Variants in NCOA3 observed in about 807,000 individuals in gnomAD.
NCOA3 encodes the protein CBP-interacting protein.
Under a neutral mutation model 158.8 loss-of-function variants are expected in NCOA3, and 51 were observed. The ratio of observed to expected loss-of-function variants is 0.32; its 90% CI spans 0.26 to 0.41. The LOEUF (loss-of-function observed/expected upper bound fraction) is 0.41. Ranked by LOEUF, NCOA3 falls within the 10% of genes least tolerant of loss-of-function variation. NCOA3 has a pLI of 1.00. For synonymous variants in NCOA3, 537 were observed against 592.4 expected (o/e 0.91, Z 1.36); for missense variants, 1,510 against 1,746.6 (o/e 0.86, Z 2.41).
At chr20:47,597,155 T>A (rs932154616) in intron 2 of NCOA3, among the ~76,000 whole-genome samples, 3 of 152,178 alleles carry the variant, frequency 2.0e-5, no homozygotes, top group African/African-American at 7.2e-5. Flanking sequence ...TCCCTAAAGT[T>A]CTTTGTGCCT....
At chr20:47,621,877 A>G (rs1471331840) in intron 2 of NCOA3, among the ~76,000 whole-genome samples, 1 of 151,930 alleles carries the variant, frequency 6.6e-6, no homozygotes, top group African/African-American at 2.4e-5. Context: ...GGATTTCACC[A>G]TGTTGGTCAG....
At chr20:47,652,329 A>G in intron 20 of NCOA3, 77 bp from the exon 21 acceptor site, 1 of 1,387,156 alleles carries the variant, frequency 7.2e-7, no homozygotes, top group Non-Finnish European at 9.9e-7. Flanking sequence ...AAAAAAAAAC[A>G]AAATTACTAC....
intron 19 of NCOA3, among the ~76,000 whole-genome samples, chr20:47,649,681 A>G (rs1025702442): frequency 1.3e-5 from 2 of 152,152 alleles, no homozygotes; most frequent in Admixed American, 6.5e-5. Context: ...AATATCGTTT[A>G]TAATTGTTTT....
At chr20:47,624,275 T>C (rs184444607) in intron 4 of NCOA3, among the ~76,000 whole-genome samples, 192 bp downstream of exon 4, 2 of 152,338 alleles carry the variant, frequency 1.3e-5, no homozygotes, top group East Asian at 3.9e-4. Flanking sequence ...ATGAAATAAT[T>C]ATACAACTCA....
At chr20:47,642,463 A>G in intron 17 of NCOA3, 79 bp downstream of exon 17, 1 of 979,168 alleles carries the variant, frequency 1.0e-6, no homozygotes, top group Non-Finnish European at 1.4e-6. Context: ...GCCACATACA[A>G]GAATGCCTGT....
At chr20:47,581,486 G>C (rs978498550) in intron 1 of NCOA3, among the ~76,000 whole-genome samples, 9 of 152,040 alleles carry the variant, frequency 5.9e-5, no homozygotes, top group African/African-American at 9.7e-5. Flanking sequence ...CCTATATACT[G>C]TCTGCAGACT....
chr20:47,654,088 C>G lies in NCOA3; in HGVS notation c.*671C>G, dbSNP rs972404146. ...AGGAAATGAGATGACAGTATTTAAT[C>G]GCAGCAGTAGCAAACTTTTCACATG... is the stretch of plus-strand genomic sequence containing the variant. On this transcript the variant is annotated 3_prime_UTR_variant, in exon 23 of 23. Transcript: ENST00000371998. 6.6e-6 allele frequency: 1 copy of G among 152,596 alleles called. No individual in the cohort carries two copies. The highest frequency in any genetic ancestry group is 1.5e-5 in the Non-Finnish European group (1 of 68,044). The allele number at this position is 152,596 out of a possible 1,614,324, so 9.5% of individuals were successfully genotyped here.
At chr20:47,623,461 A>G (rs1023808102) in intron 3 of NCOA3, among the ~76,000 whole-genome samples, 3 of 152,186 alleles carry the variant, frequency 2.0e-5, no homozygotes, top group Admixed American at 6.5e-5. Context: ...CATTTTTGAT[A>G]GTTTATATTG....
At chr20:47,633,015 CCTT>C (rs2086447976) in intron 8 of NCOA3, among the ~76,000 whole-genome samples, 1 of 152,100 alleles carries the variant, frequency 6.6e-6, no homozygotes, top group Admixed American at 6.5e-5. Context: ...ACCAGGCTCT[CCTT>C]CCTCCCTCAT....
intron 1 of NCOA3, among the ~76,000 whole-genome samples, chr20:47,541,612 GCCTCAAGTTACCCTCCTGC>G (rs954250693): frequency 1.5e-4 from 22 of 149,854 alleles, no homozygotes; most frequent in Admixed American, 1.1e-3. Context: ...CGAACTCCTG[GCCTCAAGTTACCCTCCTGC>G]CCTCAAGTTA....
intron 1 of NCOA3, among the ~76,000 whole-genome samples, chr20:47,565,019 T>C (rs2085169801): frequency 6.6e-6 from 1 of 152,206 alleles, no homozygotes; most frequent in African/African-American, 2.4e-5. Context: ...TTTACACTTG[T>C]TGCCCAGGCT....
chr20:47,627,882 G>C (rs377296129), intron 7 of NCOA3, 40 bp from the exon 8 acceptor site: 4 of 1,594,908 alleles, frequency 2.5e-6, no homozygotes, highest in Non-Finnish European at 3.4e-6. Context: ...ATATCCAAAA[G>C]TTAAGTATAA....
chr20:47,584,856 A>G (rs1261671630), intron 2 of NCOA3, among the ~76,000 whole-genome samples: 1 of 152,096 alleles, frequency 6.6e-6, no homozygotes, highest in Non-Finnish European at 1.5e-5. Flanking sequence ...ATATATGTAT[A>G]TACATACAAA....
At chr20:47,619,120 T>C (rs978653691) in intron 2 of NCOA3, among the ~76,000 whole-genome samples, 1 of 152,214 alleles carries the variant, frequency 6.6e-6, no homozygotes, top group Non-Finnish European at 1.5e-5. Context: ...TCAAGACATA[T>C]ATTGACCACC....
At chr20:47,532,465 T>C (rs974741035) in intron 1 of NCOA3, among the ~76,000 whole-genome samples, 1 of 152,140 alleles carries the variant, frequency 6.6e-6, no homozygotes, top group Admixed American at 6.6e-5. Flanking sequence ...AAAAAATTCA[T>C]TTTTTAAAAA....
chr20:47,621,613 A>G (rs551908149), intron 2 of NCOA3, among the ~76,000 whole-genome samples: 1 of 151,730 alleles, frequency 6.6e-6, no homozygotes, highest in Non-Finnish European at 1.5e-5. Flanking sequence ...TTCTTCATCA[A>G]TGAAATTTTA....
chr20:47,504,640 T>C (rs1666772599), intron 1 of NCOA3, among the ~76,000 whole-genome samples: 1 of 151,878 alleles, frequency 6.6e-6, no homozygotes, highest in South Asian at 2.1e-4. Flanking sequence ...CCTTCACTAC[T>C]AAAAATACAA....
chr20:47,592,941 CTG>C (rs1461863774), intron 2 of NCOA3, among the ~76,000 whole-genome samples: 1 of 152,134 alleles, frequency 6.6e-6, no homozygotes, highest in Non-Finnish European at 1.5e-5. Context: ...TAATGACAGA[CTG>C]TTTTTTTGAG....
rs2086830550 is a variant in NCOA3, at chr20:47,653,498, C to T, written c.*81C>T. ...GATTATTGGGAAGGAATCATTGTTC[C>T]AGGCATCCATCTTGGAAGAAAGGAC... On this transcript the variant is annotated 3_prime_UTR_variant, in exon 23 of 23. Coordinates refer to ENST00000371998, the MANE Select transcript of NCOA3 (RefSeq NM_181659.3). 2 of 1,499,088 alleles carry T rather than the reference C, an allele frequency of 1.3e-6. No individual in the cohort carries two copies. Among genetic ancestry groups the T allele is most frequent in the African/African-American group, 1.4e-5 (1 of 71,146 alleles). The allele number at this position is 1,499,088 out of a possible 1,614,324, so 92.9% of individuals were successfully genotyped here. A position where few individuals can be genotyped will look rare whatever the true frequency, so the allele number is the denominator to read the frequency against.
Sources: gnomAD v4.1 joint callset for allele counts (sites outside exome capture counted in the v4.1 genomes callset) on GRCh38, gnomAD v4.1.1 for gene constraint, MANE v1.5 for transcripts, NCBI Gene and HGNC (gene_info 2026-07-23, HGNC 2026-07-21) for gene names.